The following INTS7 variants were observed in gnomAD, a reference collection of about 807,000 sequenced individuals.
The protein encoded by INTS7 is integrator complex subunit 7.
Under a neutral mutation model 109.2 loss-of-function variants are expected in INTS7, and 46 were observed. The observed-to-expected ratio is 0.42, with a 90% CI of 0.33 to 0.54. INTS7 has a LOEUF of 0.54. Ranked by LOEUF, INTS7 falls within the 20% of genes least tolerant of loss-of-function variation. The pLI is 0.07. For synonymous variants in INTS7, 412 were observed against 402.9 expected (o/e 1.02, Z -0.27); for missense variants, 929 against 1,132.4 (o/e 0.82, Z 2.58).
chr1:212,018,503 T>TAAA (rs11423688), intron 3 of INTS7, among the ~76,000 whole-genome samples: 2 of 146,584 alleles, frequency 1.4e-5, no homozygotes, highest in Non-Finnish European at 1.5e-5. Flanking sequence ...ATCTTTTGAT[T>TAAA]AAAAAAAAAA....
At chr1:211,947,880 G>T (rs796555209) in intron 17 of INTS7, among the ~76,000 whole-genome samples, 2 of 152,164 alleles carry the variant, frequency 1.3e-5, no homozygotes, top group African/African-American at 4.8e-5. Flanking sequence ...AAGCTAGCCA[G>T]GTAAACTACT....
At chr1:211,975,052 C>A in intron 13 of INTS7, 114 bp downstream of exon 13, 1 of 701,134 alleles carries the variant, frequency 1.4e-6, no homozygotes, top group Non-Finnish European at 2.5e-6. Flanking sequence ...ATTTCCATGA[C>A]CTATTTCATA....
intron 18 of INTS7, among the ~76,000 whole-genome samples, chr1:211,945,273 C>A (rs529057532): frequency 6.6e-6 from 1 of 152,290 alleles, no homozygotes; most frequent in African/African-American, 2.4e-5. Context: ...TGAACCACTT[C>A]TAGTAGGGAA....
intron 7 of INTS7, among the ~76,000 whole-genome samples, chr1:212,001,446 A>G (rs1665668057): frequency 6.6e-6 from 1 of 152,164 alleles, no homozygotes; most frequent in South Asian, 2.1e-4. Flanking sequence ...AAGTATTTGA[A>G]ATAATAATAA....
intron 4 of INTS7, among the ~76,000 whole-genome samples, chr1:212,015,147 G>T (rs1666362786): frequency 6.6e-6 from 1 of 151,384 alleles, no homozygotes; most frequent in Non-Finnish European, 1.5e-5. Context: ...GGCAGCCCCT[G>T]CCCGGGAAGT....
At chr1:211,995,714 G>C (rs1387925553) in intron 7 of INTS7, among the ~76,000 whole-genome samples, 2 of 152,312 alleles carry the variant, frequency 1.3e-5, no homozygotes, top group Admixed American at 1.3e-4. Context: ...CAAGTTGATG[G>C]AATTAGGAGG....
At chr1:211,990,368 C>T (rs537253137) in intron 7 of INTS7, among the ~76,000 whole-genome samples, 4 of 151,546 alleles carry the variant, frequency 2.6e-5, no homozygotes, top group Non-Finnish European at 5.9e-5. Context: ...AGAACATGCA[C>T]GTAGTGTATT....
At chr1:212,022,845 C>T (rs1323342268) in intron 1 of INTS7, among the ~76,000 whole-genome samples, 1 of 152,072 alleles carries the variant, frequency 6.6e-6, no homozygotes, top group African/African-American at 2.4e-5. Context: ...ATCCCATTAC[C>T]CAGGTAGTGA....
At chr1:211,984,541 A>G (rs1664809567) in intron 8 of INTS7, among the ~76,000 whole-genome samples, 1 of 152,162 alleles carries the variant, frequency 6.6e-6, no homozygotes, top group African/African-American at 2.4e-5. Context: ...TCTGCTTTTA[A>G]AATCTAATAT....
chr1:211,999,661 A>G (rs1447892357), intron 7 of INTS7, among the ~76,000 whole-genome samples: 2 of 152,250 alleles, frequency 1.3e-5, no homozygotes, highest in African/African-American at 2.4e-5. Context: ...AATACAAGAC[A>G]TAATTTACAA....
chr1:211,960,238 T>C (rs1663554779), intron 16 of INTS7, among the ~76,000 whole-genome samples: 2 of 151,880 alleles, frequency 1.3e-5, no homozygotes, highest in South Asian at 4.2e-4. Flanking sequence ...AGCCAGTTGA[T>C]TAAACCCACC....
intron 13 of INTS7, among the ~76,000 whole-genome samples, chr1:211,974,022 A>G (rs1040600995): frequency 2.0e-5 from 3 of 152,018 alleles, no homozygotes; most frequent in African/African-American, 7.3e-5. Context: ...CATACCACAC[A>G]AATCATTAAA....
At chr1:211,980,645 C>T (rs977111582) in intron 10 of INTS7, among the ~76,000 whole-genome samples, 1 of 151,884 alleles carries the variant, frequency 6.6e-6, no homozygotes, top group Non-Finnish European at 1.5e-5. Context: ...AGTATGCTGC[C>T]CAGGCTGGTC....
Position 211,967,814 on chromosome 1 carries a change from G to A in INTS7, c.2114+64C>T, listed in dbSNP as rs79099019. 1,827 of 805,622 alleles carry A rather than the reference G, an allele frequency of 2.3e-3. 9 individuals are homozygous for A. Among genetic ancestry groups the A allele is most frequent in the Non-Finnish European group, 3.5e-3 (1,645 of 475,816 alleles). 49.9% of individuals were successfully genotyped at this position (805,622 alleles called of 1,614,324 possible). On this transcript the variant is annotated intron_variant, in intron 15 of 19. Transcript: ENST00000366994. ...TATTTTGTAGGTAAGCATATCTGAGGTAGTCCGTATTTAAAAGAATACTTC... is the reference window on the plus strand; with the variant it reads ...TATTTTGTAGGTAAGCATATCTGAGATAGTCCGTATTTAAAAGAATACTTC...
chr1:212,032,685 T>C (rs1571926034), intron 1 of INTS7, among the ~76,000 whole-genome samples: 1 of 152,250 alleles, frequency 6.6e-6, no homozygotes, highest in Non-Finnish European at 1.5e-5. Flanking sequence ...TTCACCATGT[T>C]AGCCAGGATG....
At chr1:212,000,095 A>G (rs1221063686) in intron 7 of INTS7, among the ~76,000 whole-genome samples, 2 of 152,090 alleles carry the variant, frequency 1.3e-5, no homozygotes, top group Non-Finnish European at 2.9e-5. Context: ...ACACAGTGAG[A>G]CTCTGTCTCA....
At chr1:211,988,632 A>G (rs555116113) in intron 7 of INTS7, among the ~76,000 whole-genome samples, 55 of 152,334 alleles carry the variant, frequency 3.6e-4, no homozygotes, top group African/African-American at 1.3e-3. Flanking sequence ...TACTATTGTA[A>G]CATGTCAATA....
In INTS7 at chr1:211,968,556, G is replaced by C. The variant is rs759931037; in HGVS notation, c.1967C>G (p.Thr656Ser). 19 of 1,614,000 alleles carry C rather than the reference G, an allele frequency of 1.2e-5. No individual in the cohort carries two copies. Among genetic ancestry groups the C allele is most frequent in the Non-Finnish European group, 1.6e-5 (19 of 1,180,024 alleles). ...ACACCTCTGGAGGTCATTTCCTAAGGTCATGGCAATTGTTGTGGCAATTGC... is the reference window on the plus strand; with the variant it reads ...ACACCTCTGGAGGTCATTTCCTAAGCTCATGGCAATTGTTGTGGCAATTGC... Reference protein sequence around the residue: ...PPAIATTIAMTLGNDLQRCGR... With the variant: ...PPAIATTIAMSLGNDLQRCGR... Residue 656 changes from threonine to serine, a missense_variant, in exon 14 of 20, where the codon ACC becomes AGC. This residue lies in a region of INTS7 where 787 missense variants were observed against 901.1 expected (regional missense o/e 0.87). Transcript: ENST00000366994.
chr1:212,031,119 AG>A (rs760994570), intron 1 of INTS7, among the ~76,000 whole-genome samples: 11 of 152,234 alleles, frequency 7.2e-5, no homozygotes, highest in Non-Finnish European at 1.6e-4. Flanking sequence ...ATCAGCTGCA[AG>A]AAAGGGAATG....
Sources: allele counts gnomAD v4.1 joint callset (sites outside exome capture counted in the v4.1 genomes callset), GRCh38; gene constraint gnomAD v4.1.1; regional missense constraint gnomAD v4.1.1; transcripts MANE v1.5; gene names NCBI Gene and HGNC (gene_info 2026-07-23, HGNC 2026-07-21).